Variants in RANGAP1 observed in about 807,000 individuals in gnomAD.
RANGAP1 encodes the protein ran GTPase-activating protein 1.
A neutral mutation model predicts 63.5 loss-of-function variants in RANGAP1; 38 were observed. The ratio of observed to expected loss-of-function variants is 0.60; its 90% CI spans 0.46 to 0.78. The LOEUF (loss-of-function observed/expected upper bound fraction) is 0.78. Ranked by LOEUF, RANGAP1 falls within the 30% of genes least tolerant of loss-of-function variation. The pLI is 0.00. For synonymous variants in RANGAP1, 329 were observed against 310.5 expected, an observed-to-expected ratio of 1.06 and a Z score of -0.63; for missense variants, 630 against 740.3, an observed-to-expected ratio of 0.85 and a Z score of 1.73.
intron 15 of RANGAP1, among the ~76,000 whole-genome samples, chr22:41,246,943 G>C (rs1208041502): frequency 6.6e-6 from 1 of 152,244 alleles, no homozygotes; most frequent in Non-Finnish European, 1.5e-5. Flanking sequence ...GCAGACATAG[G>C]CCAGGGAATC....
At chr22:41,280,794 T>C in intron 2 of RANGAP1, 139 bp downstream of exon 2, 7 of 1,527,562 alleles carry the variant, frequency 4.6e-6, no homozygotes, top group Middle Eastern at 1.7e-4. Context: ...ATTGTTAGAA[T>C]AGGCCCAATG....
rs76338284 is a variant in RANGAP1 at position 41,257,464 on chromosome 22, G to A, written c.774+484C>T. 0.024 allele frequency among the ~76,000 whole-genome samples: 3,641 copies of A among 152,268 alleles called. 153 individuals are homozygous for A. The highest frequency in any genetic ancestry group is 0.084 in the African/African-American group (3,476 of 41,542). On this transcript the variant is annotated intron_variant, in intron 7 of 15. Transcript: ENST00000356244. The surrounding 1 kb of genome is among the most constrained non-coding windows in gnomAD (Gnocchi z 4.0). ...CTAAATGGGGACTCAAAAAACAGCT[G>A]CTGGGCCAGGCACAGTGGCCTGCAC...
rs371115575 is a variant in RANGAP1, at chr22:41,276,079, ATC to A, written c.113-1354_113-1353del. ...ACACAGGTGTTTCTGACTTGGAAAA[ATC>A]TGTTATAGCAATAAGTGAAAAATTA... On this transcript the variant is annotated intron_variant, in intron 2 of 15. Coordinates refer to ENST00000356244, the MANE Select transcript of RANGAP1 (RefSeq NM_002883.4). Among the ~76,000 whole-genome samples the A allele has an allele frequency of 4.3e-3, 659 of 152,340 alleles. 6 individuals are homozygous for A. Among genetic ancestry groups the A allele is most frequent in the African/African-American group, 0.015 (629 of 41,578 alleles).
In RANGAP1 at chr22:41,246,962, C is replaced by A. The variant is rs1442906702; in HGVS notation, c.1695-290G>T. On this transcript the variant is annotated intron_variant, in intron 15 of 15. Coordinates refer to ENST00000356244, the MANE Select transcript of RANGAP1 (RefSeq NM_002883.4). ...ACATAGGCCAGGGAATCCTTACTGG[C>A]TGCCAGTGGCCACATAGGACTGGCC... is the stretch of plus-strand genomic sequence containing the variant. Among the ~76,000 whole-genome samples the A allele has an allele frequency of 2.0e-5, 3 of 152,218 alleles. No homozygotes were observed. In the East Asian group the frequency reaches 5.8e-4, roughly 29 times the overall value.
upstream of RANGAP1, among the ~76,000 whole-genome samples, chr22:41,289,623 C>CA (rs1569222337): frequency 6.6e-6 from 1 of 151,148 alleles, no homozygotes; most frequent in African/African-American, 2.4e-5. Flanking sequence ...AATTCTGCCT[C>CA]AAAAAAAAGA....
the RANGAP1 span, among the ~76,000 whole-genome samples, chr22:41,295,140 C>G: frequency 1.5e-5 from 2 of 136,722 alleles, no homozygotes; most frequent in Admixed American, 1.4e-4. Flanking sequence ...TCTGCCCGGC[C>G]GCCCCTACTG....
Position 41,256,869 on chromosome 22 carries a change from C to A in RANGAP1, c.775-45G>T, listed in dbSNP as rs539256282. Reference sequence around the variant, plus strand: ...GTCCAGAGTGAGGGTGCAGACCACACCCCAGCCCTCAGCAAGCCCCGGGGG... The same window carrying A: ...GTCCAGAGTGAGGGTGCAGACCACAACCCAGCCCTCAGCAAGCCCCGGGGG... On this transcript the variant is annotated intron_variant, in intron 7 of 15. Transcript: ENST00000356244. The A allele has an allele frequency of 2.0e-6, 3 of 1,526,168 alleles. No homozygotes were observed. The East Asian group carries it at 6.9e-5, about 35-fold the overall frequency. 94.5% of individuals were successfully genotyped at this position (1,526,168 alleles called of 1,614,324 possible). A position where few individuals can be genotyped will look rare whatever the true frequency, so the allele number is the denominator to read the frequency against.
chr22:41,278,906 AG>A (rs1208769822), intron 2 of RANGAP1, among the ~76,000 whole-genome samples: 1 of 151,834 alleles, frequency 6.6e-6, no homozygotes, highest in African/African-American at 2.4e-5. Flanking sequence ...TGGGAGGCCG[AG>A]GTGAGAGGAT....
intron 3 of RANGAP1, among the ~76,000 whole-genome samples, chr22:41,271,393 A>AG (rs1024661248): frequency 6.7e-6 from 1 of 149,706 alleles, no homozygotes; most frequent in African/African-American, 2.4e-5. Flanking sequence ...CTCTAAAAAA[A>AG]AACAAAAAAA....
At chr22:41,281,342 C>T in intron 1 of RANGAP1, 2 of 901,938 alleles carry the variant, frequency 2.2e-6, no homozygotes, top group South Asian at 3.9e-5. Flanking sequence ...CTCTGCTAAA[C>T]TGCCGCAGCT....
At chr22:41,254,051 T>A (rs1270269325) in intron 11 of RANGAP1, among the ~76,000 whole-genome samples, 2 of 148,420 alleles carry the variant, frequency 1.3e-5, no homozygotes, top group South Asian at 2.1e-4. Context: ...GAGGTTGCAG[T>A]GAGCCGAGAT....
chr22:41,296,745 A>G, the RANGAP1 span, among the ~76,000 whole-genome samples: 1 of 152,218 alleles, frequency 6.6e-6, no homozygotes, highest in Non-Finnish European at 1.5e-5. Context: ...AGATAAATAG[A>G]ATCAGCAGGA....
rs766945402 is a variant in RANGAP1 at position 41,252,952 on chromosome 22, C to T, written c.1300G>A (p.Val434Ile). ...GAGGGAAAAGCCAGGAAGGTGGAGACGTCTGCAGGAGGTGGGGAGGACAGC... is the reference window on the plus strand; with the variant it reads ...GAGGGAAAAGCCAGGAAGGTGGAGATGTCTGCAGGAGGTGGGGAGGACAGC... Reference protein sequence around the residue: ...PVLSSPPPADVSTFLAFPSPE... With the variant: ...PVLSSPPPADISTFLAFPSPE... The change falls in exon 12 of 16, where the codon GTC becomes ATC. Residue 434 changes from valine to isoleucine, a missense_variant. Coordinates refer to ENST00000356244, the MANE Select transcript of RANGAP1 (RefSeq NM_002883.4). 6.5e-6 allele frequency: 10 copies of T among 1,544,296 alleles called. No homozygotes were observed. The highest frequency in any genetic ancestry group is 1.7e-4 in the Middle Eastern group (1 of 5,734).
intron 5 of RANGAP1, 93 bp from the exon 6 acceptor site, chr22:41,261,673 C>T (rs1242121666): frequency 8.6e-6 from 13 of 1,510,124 alleles, no homozygotes; most frequent in Admixed American, 1.8e-5. Flanking sequence ...CAACATCCCA[C>T]GCCACCCATC....
upstream of RANGAP1, among the ~76,000 whole-genome samples, chr22:41,287,500 G>A (rs1013658306): frequency 2.0e-5 from 3 of 149,002 alleles, no homozygotes; most frequent in Admixed American, 6.7e-5. Context: ...ACCCTGTCTC[G>A]ACAAAAAATA....
intron 3 of RANGAP1, 27 bp from the exon 4 acceptor site, chr22:41,268,183 G>A (rs929327338): frequency 6.6e-7 from 1 of 1,512,360 alleles, no homozygotes; most frequent in African/African-American, 1.4e-5. Flanking sequence ...AGAAGAGTTA[G>A]CGGGAGAGAG....
At chr22:41,289,740 C>T (rs1193841721), upstream of RANGAP1, among the ~76,000 whole-genome samples, 1 of 152,192 alleles carries the variant, frequency 6.6e-6, no homozygotes, top group Non-Finnish European at 1.5e-5. Flanking sequence ...GTCTGCCTGG[C>T]CCAAGAAGTG....
chr22:41,265,970 A>G (rs1379526121), intron 4 of RANGAP1, among the ~76,000 whole-genome samples: 1 of 152,128 alleles, frequency 6.6e-6, no homozygotes, highest in Admixed American at 6.5e-5. Flanking sequence ...TGGGAGGCCA[A>G]GGTGGGCGGA....
Position 41,246,474 on chromosome 22 carries a change from A to C in RANGAP1, c.*129T>G. 1.0e-6 allele frequency: 1 copy of C among 965,044 alleles called. No individual in the cohort carries two copies. Among genetic ancestry groups the C allele is most frequent in the Non-Finnish European group, 1.6e-6 (1 of 641,938 alleles). 59.8% of individuals were successfully genotyped at this position (965,044 alleles called of 1,614,324 possible). ...CATACTCAGGGGACTGACAGGACACATGGGACACAGACCCGCCCTGCCTGT... is the reference window on the plus strand; with the variant it reads ...CATACTCAGGGGACTGACAGGACACCTGGGACACAGACCCGCCCTGCCTGT... On this transcript the variant is annotated 3_prime_UTR_variant, in exon 16 of 16. Transcript: ENST00000356244.
Sources: allele counts gnomAD v4.1 joint callset (sites outside exome capture counted in the v4.1 genomes callset), GRCh38; gene constraint gnomAD v4.1.1; non-coding constraint Gnocchi (gnomAD v3.1); transcripts MANE v1.5; gene names NCBI Gene and HGNC (gene_info 2026-07-23, HGNC 2026-07-21).